ALAD: variants seen among roughly 807,000 people sequenced by gnomAD.
The protein encoded by ALAD is aminolevulinate dehydratase.
Under a neutral mutation model 44.4 loss-of-function variants are expected in ALAD, and 20 were observed. The observed-to-expected ratio is 0.45, with a 90% CI of 0.32 to 0.65. The LOEUF is 0.65. ALAD is among the 30% of genes least tolerant of loss of function. The pLI is 0.05. For synonymous variants in ALAD, 156 were observed against 167.9 expected, an observed-to-expected ratio of 0.93 and a Z score of 0.55; for missense variants, 323 against 445.7, an observed-to-expected ratio of 0.72 and a Z score of 2.48.
At chr9:113,394,227 A>G (rs1336656814) in intron 1 of ALAD, among the ~76,000 whole-genome samples, 1 of 145,454 alleles carries the variant, frequency 6.9e-6, no homozygotes, top group Non-Finnish European at 1.5e-5. Context: ...GGCGTGAGCC[A>G]CGGTGCCTAG....
At chr9:113,400,798 G>A (rs962378848) in intron 1 of ALAD, among the ~76,000 whole-genome samples, 1 of 152,114 alleles carries the variant, frequency 6.6e-6, no homozygotes, top group Non-Finnish European at 1.5e-5. Context: ...CTCCAGCCTG[G>A]GCAACAAGAG....
chr9:113,388,165 T>G lies in ALAD; in HGVS notation c.*135A>C. 3.2e-6 allele frequency: 3 copies of G among 940,938 alleles called. No homozygotes were observed. The allele number at this position is 940,938 out of a possible 1,614,324, so 58.3% of individuals were successfully genotyped here. A position where few individuals can be genotyped will look rare whatever the true frequency, so the allele number is the denominator to read the frequency against. On this transcript the variant is annotated 3_prime_UTR_variant, in exon 12 of 12. Transcript: ENST00000409155. ...TGCTGGCAAAACCACCCAGGGCTGC[T>G]GGGCCCCGCTAGCATGTGAGCAGGA...
chr9:113,399,997 T>G (rs1827816716), intron 1 of ALAD, among the ~76,000 whole-genome samples: 1 of 152,194 alleles, frequency 6.6e-6, no homozygotes, highest in Non-Finnish European at 1.5e-5. Context: ...CCTGCTGAAG[T>G]GCTAGACACA....
In ALAD at chr9:113,391,565, A is replaced by G. The variant is rs1827586054; in HGVS notation, c.223T>C (p.Cys75Arg). The G allele has an allele frequency of 6.2e-7, 1 of 1,613,974 alleles. No homozygotes were observed. ...CTGGGGACGCCAAAGATCAAGACAC[A>G]GCGTAGGCCCTCTTCCACCAAGGGC... ...LRPLVEEGLR[C>R]VLIFGVPSRV... The change falls in exon 4 of 12, where the codon TGT becomes CGT. Residue 75 changes from cysteine to arginine, a missense_variant. Coordinates refer to ENST00000409155, the MANE Select transcript of ALAD (RefSeq NM_000031.6).
At chr9:113,397,921 G>T (rs574276337) in intron 1 of ALAD, among the ~76,000 whole-genome samples, 2 of 152,184 alleles carry the variant, frequency 1.3e-5, no homozygotes, top group South Asian at 4.1e-4. Context: ...CACCGCACCT[G>T]GCCGAGAGAA....
rs993268256 is a variant in ALAD at position 113,388,994 on chromosome 9, G to C, written c.914C>G (p.Thr305Ser). 6.2e-7 allele frequency: 1 copy of C among 1,613,890 alleles called. No homozygotes were observed. Among genetic ancestry groups the C allele is most frequent in the Non-Finnish European group, 8.5e-7 (1 of 1,180,038 alleles). Residue 305 changes from threonine (T) to serine (S), a missense_variant, in exon 11 of 12, where the codon ACT (threonine) becomes AGT (serine). Thr to Ser is a moderately conservative substitution (Grantham distance 58). Coordinates refer to ENST00000409155, the MANE Select transcript of ALAD (RefSeq NM_000031.6). ...DLKAAVLEAMTAFRRAGADII... is the reference protein window; with the variant it reads ...DLKAAVLEAMSAFRRAGADII... ...CTGCCTACCTGCTCTGCGGAAGGCAGTCATGGCCTCCAGTACGGCAGCCTT... is the reference window on the plus strand; with the variant it reads ...CTGCCTACCTGCTCTGCGGAAGGCACTCATGGCCTCCAGTACGGCAGCCTT...
rs891572580 is a variant in ALAD, at chr9:113,390,313, C to T, written c.570+92G>A. ...CTGGGACTACAGGTGTGAGCCAACACGCCCGGCAGTTCTGTGATTCTTAGC... is the reference window on the plus strand; with the variant it reads ...CTGGGACTACAGGTGTGAGCCAACATGCCCGGCAGTTCTGTGATTCTTAGC... On this transcript the variant is annotated intron_variant, in intron 7 of 11. Coordinates refer to ENST00000409155, the MANE Select transcript of ALAD (RefSeq NM_000031.6). The T allele has an allele frequency of 8.0e-5, 108 of 1,358,334 alleles. 2 individuals carry two copies. The highest frequency in any genetic ancestry group is 7.7e-4 in the East Asian group (32 of 41,502). The allele number at this position is 1,358,334 out of a possible 1,614,324, so 84.1% of individuals were successfully genotyped here. A position where few individuals can be genotyped will look rare whatever the true frequency, so the allele number is the denominator to read the frequency against.
chr9:113,392,230 C>A (rs772785461), intron 2 of ALAD, 61 bp from the exon 3 acceptor site: 2 of 1,611,384 alleles, frequency 1.2e-6, no homozygotes, highest in Non-Finnish European at 1.7e-6. Flanking sequence ...GGTGCGGGGG[C>A]GACTGAGAGG....
chr9:113,398,949 C>A (rs1453239753), intron 1 of ALAD, among the ~76,000 whole-genome samples: 3 of 152,154 alleles, frequency 2.0e-5, no homozygotes, highest in African/African-American at 7.2e-5. Flanking sequence ...ACTGGGAGGG[C>A]ACTTCTCCCA....
chr9:113,391,933 T>C (rs945416585), intron 3 of ALAD, among the ~76,000 whole-genome samples, 186 bp downstream of exon 3: 6 of 152,304 alleles, frequency 3.9e-5, no homozygotes, highest in Middle Eastern at 6.8e-3. Context: ...GGTAGCTCTT[T>C]ACTTTATGGG....
intron 1 of ALAD, chr9:113,396,507 A>G: frequency 6.5e-6 from 1 of 152,954 alleles, no homozygotes; most frequent in Non-Finnish European, 1.5e-5. Flanking sequence ...GAAAGGGGCA[A>G]AGGTGGGGAA....
chr9:113,388,901 G>T, intron 11 of ALAD, 76 bp downstream of exon 11: 1 of 1,605,714 alleles, frequency 6.2e-7, no homozygotes, highest in Non-Finnish European at 8.5e-7. Flanking sequence ...CTCTCAGGAC[G>T]TCGTTCCCCA....
chr9:113,397,620 C>CTTTTTTTT (rs554533853), intron 1 of ALAD, among the ~76,000 whole-genome samples: 10 of 108,782 alleles, frequency 9.2e-5, no homozygotes, highest in Non-Finnish European at 1.5e-4. Flanking sequence ...TTTTCCTTTT[C>CTTTTTTTT]TTTTTTTTTT....
rs759917153 is a variant in ALAD, at chr9:113,389,038, C to T, written c.870G>A (p.Gln290=). The change falls in exon 11 of 12, where the codon CAG becomes CAA. Residue 290 remains glutamine (Q), a synonymous_variant. Transcript: ENST00000409155. ...GEFAMLWHGA[Q]AGAFDLKAAV... is the part of the protein sequence containing the mutation. ...CAGCCTTGAGATCAAATGCCCCGGC[C>T]TGGGCTCCATGCCACAGCATGGCAA... The T allele has an allele frequency of 2.3e-5, 37 of 1,613,826 alleles. No individual in the cohort carries two copies. The East Asian group carries it at 8.0e-4, about 35-fold the overall frequency.
Position 113,389,011 on chromosome 9 carries a change from G to A in ALAD, c.897C>T (p.Ala299=), listed in dbSNP as rs370242589. Residue 299 remains alanine, a synonymous_variant, in exon 11 of 12, where the codon GCC becomes GCT. Transcript: ENST00000409155. ...GGAAGGCAGTCATGGCCTCCAGTAC[G>A]GCAGCCTTGAGATCAAATGCCCCGG... ...AQAGAFDLKA[A]VLEAMTAFRR... is the part of the protein sequence containing the mutation. 21 of 1,613,836 alleles carry A rather than the reference G, an allele frequency of 1.3e-5. No homozygotes were observed. Among genetic ancestry groups the A allele is most frequent in the East Asian group, 2.2e-5 (1 of 44,892 alleles).
intron 1 of ALAD, among the ~76,000 whole-genome samples, chr9:113,394,749 C>T (rs554811207): frequency 6.6e-6 from 1 of 152,104 alleles, no homozygotes; most frequent in East Asian, 1.9e-4. Context: ...TGCAATTCTA[C>T]CTCTAGAGAA....
chr9:113,393,489 G>C lies in ALAD; in HGVS notation c.71C>G (p.Thr24Ser). 2 of 1,614,106 alleles carry C rather than the reference G, an allele frequency of 1.2e-6. No individual in the cohort carries two copies. Among genetic ancestry groups the C allele is most frequent in the Non-Finnish European group, 1.7e-6 (2 of 1,179,984 alleles). The change falls in exon 2 of 12, where the codon ACC becomes AGC. Residue 24 changes from threonine to serine, a missense_variant. Coordinates refer to ENST00000409155, the MANE Select transcript of ALAD (RefSeq NM_000031.6). ...PLLRAWQTAT[T>S]TLNASNLIYP... ...GATGAGGTTGGAGGCATTGAGGGTG[G>C]TGGTGGCTGTCTGCCAGGCCCGAAG...
chr9:113,391,281 C>T (rs1330086632), intron 4 of ALAD, among the ~76,000 whole-genome samples: 2 of 152,142 alleles, frequency 1.3e-5, no homozygotes, highest in Non-Finnish European at 2.9e-5. Context: ...TGGCTCACTG[C>T]AGCCTCGACT....
chr9:113,389,841 A>G lies in ALAD; in HGVS notation c.571-13T>C, dbSNP rs1471812780. On this transcript the variant is annotated splice_polypyrimidine_tract_variant and intron_variant, in intron 7 of 11. Coordinates refer to ENST00000409155, the MANE Select transcript of ALAD (RefSeq NM_000031.6). ...TCATCACCGATACCTATGGGGAGAC[A>G]ATGGAGGTCTTGGCTTATTCGGCCC... 6.2e-7 allele frequency: 1 copy of G among 1,614,230 alleles called. No homozygotes were observed. The highest frequency in any genetic ancestry group is 1.3e-5 in the African/African-American group (1 of 75,078).
Sources: gnomAD v4.1 joint callset for allele counts (sites outside exome capture counted in the v4.1 genomes callset) on GRCh38, gnomAD v4.1.1 for gene constraint, MANE v1.5 for transcripts, NCBI Gene and HGNC (gene_info 2026-07-23, HGNC 2026-07-21) for gene names.